MAP3K5: variants seen among roughly 807,000 people sequenced by gnomAD.
The protein encoded by MAP3K5 is mitogen-activated protein kinase kinase kinase 5.
Under a neutral mutation model 158.7 loss-of-function variants are expected in MAP3K5, and 56 were observed. That is an observed-to-expected ratio of 0.35 (90% CI 0.28 to 0.44). MAP3K5 has a LOEUF of 0.44. Among genes scored for constraint, MAP3K5 ranks in the 20% least tolerant of loss-of-function variants. The pLI is 1.00. For synonymous variants in MAP3K5, 579 were observed against 601.7 expected, an observed-to-expected ratio of 0.96 and a Z score of 0.55; for missense variants, 1,294 against 1,674.8, an observed-to-expected ratio of 0.77 and a Z score of 3.97.
chr6:136,649,945 T>C (rs1778444491), intron 11 of MAP3K5, among the ~76,000 whole-genome samples: 2 of 152,218 alleles, frequency 1.3e-5, no homozygotes, highest in South Asian at 4.1e-4. Context: ...TTGACTCAAG[T>C]CTACATGTAA....
intron 14 of MAP3K5, among the ~76,000 whole-genome samples, chr6:136,629,766 C>CATTCATTT (rs1777239611): frequency 1.3e-5 from 2 of 148,246 alleles, no homozygotes; most frequent in Admixed American, 1.3e-4. Flanking sequence ...ATCTCACCTT[C>CATTCATTT]ATTTATTTAT....
chr6:136,747,453 G>A (rs1783011066), intron 1 of MAP3K5, among the ~76,000 whole-genome samples: 1 of 152,152 alleles, frequency 6.6e-6, no homozygotes, highest in African/African-American at 2.4e-5. Flanking sequence ...ATTTTCTGGG[G>A]CGAAACAAAC....
intron 7 of MAP3K5, among the ~76,000 whole-genome samples, chr6:136,681,304 T>C (rs1345799014): frequency 6.6e-6 from 1 of 152,194 alleles, no homozygotes; most frequent in Non-Finnish European, 1.5e-5. Flanking sequence ...CCATCTTTGT[T>C]AGTCAATTAG....
At chr6:136,652,572 G>C (rs1488237714) in intron 10 of MAP3K5, among the ~76,000 whole-genome samples, 2 of 152,106 alleles carry the variant, frequency 1.3e-5, no homozygotes, top group Non-Finnish European at 2.9e-5. Context: ...CAAAACAATA[G>C]AGAATAAAAG....
intron 1 of MAP3K5, among the ~76,000 whole-genome samples, chr6:136,758,565 A>G (rs1783606007): frequency 6.6e-6 from 1 of 152,250 alleles, no homozygotes; most frequent in Non-Finnish European, 1.5e-5. Flanking sequence ...TCATTTTTGC[A>G]GTGTGGGCAG....
intron 18 of MAP3K5, among the ~76,000 whole-genome samples, 175 bp downstream of exon 18, chr6:136,611,107 C>CAAAA (rs59508317): frequency 9.4e-3 from 227 of 24,070 alleles, no homozygotes; most frequent in Middle Eastern, 0.042. Context: ...GACCCTGTCT[C>CAAAA]AAAAAAAAAA....
intron 8 of MAP3K5, among the ~76,000 whole-genome samples, chr6:136,661,756 A>C (rs901217522): frequency 1.3e-5 from 2 of 152,056 alleles, no homozygotes; most frequent in East Asian, 1.9e-4. Flanking sequence ...GGCCAGGCTC[A>C]TCTCGAACTC....
chr6:136,610,276 A>C (rs1016663707), intron 18 of MAP3K5, among the ~76,000 whole-genome samples: 2 of 152,136 alleles, frequency 1.3e-5, no homozygotes, highest in African/African-American at 4.8e-5. Flanking sequence ...TTGGGCAGTC[A>C]TGAATCTCTT....
chr6:136,706,652 C>T (rs533186451), intron 2 of MAP3K5, among the ~76,000 whole-genome samples: 111 of 152,168 alleles, frequency 7.3e-4, no homozygotes, highest in Non-Finnish European at 1.4e-3. Flanking sequence ...TGTGGCCAGG[C>T]GAGGCCCGGC....
At chr6:136,727,304 G>C (rs720344) in intron 1 of MAP3K5, among the ~76,000 whole-genome samples, 55,555 of 152,070 alleles carry the variant, frequency 0.37, 12,020 homozygotes, top group Middle Eastern at 0.5. Flanking sequence ...GTGTCAGACA[G>C]TATATGCTTT....
intron 1 of MAP3K5, among the ~76,000 whole-genome samples, chr6:136,781,125 T>G (rs1477787718): frequency 6.6e-6 from 1 of 152,214 alleles, no homozygotes; most frequent in Non-Finnish European, 1.5e-5. Context: ...AGGAAAGAAC[T>G]GTCCCCAGGC....
At chr6:136,654,569 C>T (rs1181590747) in intron 10 of MAP3K5, among the ~76,000 whole-genome samples, 1 of 152,166 alleles carries the variant, frequency 6.6e-6, no homozygotes, top group Admixed American at 6.5e-5. Context: ...GTCTCAGCCT[C>T]CCAAATAGCT....
chr6:136,784,543 C>A (rs566917309), intron 1 of MAP3K5, among the ~76,000 whole-genome samples: 27 of 152,022 alleles, frequency 1.8e-4, no homozygotes, highest in Non-Finnish European at 3.4e-4. Context: ...AAAAATCCTT[C>A]CCTAACTAGA....
At chr6:136,636,760 TAACGAG>T (rs1562566977) in intron 14 of MAP3K5, 1 of 891,330 alleles carries the variant, frequency 1.1e-6, no homozygotes, top group African/African-American at 1.8e-5. Context: ...CTGGGCAACA[TAACGAG>T]AACAAGTCTC....
intron 2 of MAP3K5, among the ~76,000 whole-genome samples, chr6:136,713,305 G>A (rs1781390265): frequency 1.3e-5 from 2 of 152,142 alleles, no homozygotes. Context: ...ATTGTGCATC[G>A]CCTCTTAGAC....
chr6:136,605,473 A>G, intron 18 of MAP3K5, 107 bp from the exon 19 acceptor site: 1 of 925,206 alleles, frequency 1.1e-6, no homozygotes, highest in Non-Finnish European at 1.6e-6. Context: ...AACTGTAAAA[A>G]CATGATTCAA....
chr6:136,693,791 A>G (rs1399041868), intron 7 of MAP3K5, among the ~76,000 whole-genome samples: 2 of 152,246 alleles, frequency 1.3e-5, no homozygotes, highest in African/African-American at 4.8e-5. Flanking sequence ...GGAATTCAAG[A>G]CCAGCCTGGC....
At chr6:136,665,121 G>A (rs1779171400) in intron 8 of MAP3K5, among the ~76,000 whole-genome samples, 1 of 152,034 alleles carries the variant, frequency 6.6e-6, no homozygotes, top group South Asian at 2.1e-4. Context: ...CTATGAGTTA[G>A]CTTTGGTATC....
At chr6:136,679,444 T>A (rs1046648998) in intron 7 of MAP3K5, among the ~76,000 whole-genome samples, 4 of 152,188 alleles carry the variant, frequency 2.6e-5, no homozygotes, top group Admixed American at 6.5e-5. Flanking sequence ...TGTTTTTTTT[T>A]ATCTCTAGGG....
Sources: allele counts gnomAD v4.1 joint callset (sites outside exome capture counted in the v4.1 genomes callset), GRCh38; gene constraint gnomAD v4.1.1; transcripts MANE v1.5; gene names NCBI Gene and HGNC (gene_info 2026-07-23, HGNC 2026-07-21).